The following EIPR1 variants were observed in gnomAD, a reference collection of about 807,000 sequenced individuals.
The protein encoded by EIPR1 is EARP complex and GARP complex interacting protein 1, also known as EARP and GARP complex-interacting protein 1.
Under a neutral mutation model 48.1 loss-of-function variants are expected in EIPR1, and 25 were observed. That is an observed-to-expected ratio of 0.52 (90% CI 0.38 to 0.73). EIPR1 has a LOEUF of 0.73. Ranked by LOEUF, EIPR1 falls within the 30% of genes least tolerant of loss-of-function variation. The pLI, the probability that EIPR1 is intolerant of heterozygous loss-of-function variation, is 0.00. For synonymous variants in EIPR1, 204 were observed against 201.9 expected, an observed-to-expected ratio of 1.01 and a Z score of -0.09; for missense variants, 415 against 506.2, an observed-to-expected ratio of 0.82 and a Z score of 1.73.
At chr2:3,353,114 G>A (rs1315794260) in intron 2 of EIPR1, 4 of 400,524 alleles carry the variant, frequency 1.0e-5, no homozygotes, top group Non-Finnish European at 2.0e-5. Context: ...TAGTTATGTT[G>A]TTAAGCTTTT....
chr2:3,323,889 C>T (rs775396977), intron 3 of EIPR1, among the ~76,000 whole-genome samples: 12 of 152,184 alleles, frequency 7.9e-5, no homozygotes, highest in African/African-American at 1.9e-4. Flanking sequence ...GCCCTGCTGG[C>T]GGAGGCAGGG....
chr2:3,193,125 G>A (rs184096370), intron 7 of EIPR1, among the ~76,000 whole-genome samples: 2 of 152,338 alleles, frequency 1.3e-5, no homozygotes, highest in Admixed American at 6.5e-5. Flanking sequence ...CAGGGCCCAG[G>A]TGGCAGACAG....
intron 2 of EIPR1, chr2:3,353,199 T>C (rs1400496934): frequency 2.1e-6 from 1 of 470,794 alleles, no homozygotes; most frequent in Non-Finnish European, 4.4e-6. Context: ...TAGGGTTCAG[T>C]ACTCACCAAG....
In EIPR1 at chr2:3,199,063, C is replaced by A. The variant is rs1307208907; in HGVS notation, c.517-2046G>T. 5.2e-5 allele frequency among the ~76,000 whole-genome samples: 2 copies of A among 38,242 alleles called. 1 individual carries two copies. The highest frequency in any genetic ancestry group is 1.7e-4 in the African/African-American group (2 of 11,798). The allele number at this position is 38,242 out of a possible 152,430, so 25.1% of individuals were successfully genotyped here. A position where few individuals can be genotyped will look rare whatever the true frequency, so the allele number is the denominator to read the frequency against. ...CCCCAGAGTGGCCATTTTAGAGGGC[C>A]CCCCCCCCGCCCCGGGAATGCATTC... On this transcript the variant is annotated intron_variant, in intron 5 of 8. Coordinates refer to ENST00000382125, the MANE Select transcript of EIPR1 (RefSeq NM_003310.5).
intron 4 of EIPR1, among the ~76,000 whole-genome samples, chr2:3,225,351 T>C (rs907818873): frequency 6.6e-6 from 1 of 150,942 alleles, no homozygotes; most frequent in African/African-American, 2.4e-5. Context: ...GTCCAAGCAG[T>C]CCTCCCACCT....
intron 1 of EIPR1, among the ~76,000 whole-genome samples, chr2:3,366,688 C>G (rs1264343754): frequency 6.6e-6 from 1 of 152,022 alleles, no homozygotes. Context: ...TAAAAAAAGA[C>G]CAACATAGAG....
chr2:3,246,752 G>A (rs1343831240), intron 4 of EIPR1, among the ~76,000 whole-genome samples: 3 of 146,792 alleles, frequency 2.0e-5, no homozygotes, highest in African/African-American at 2.5e-5. Flanking sequence ...AGGGAGAGAG[G>A]AAGAGAGGGA....
intron 3 of EIPR1, among the ~76,000 whole-genome samples, chr2:3,266,061 G>T (rs908246008): frequency 7.2e-5 from 11 of 152,208 alleles, no homozygotes; most frequent in Non-Finnish European, 1.5e-4. Context: ...AGGCATATTC[G>T]CGACTGCCAA....
At chr2:3,264,637 A>G (rs1418897787) in intron 3 of EIPR1, among the ~76,000 whole-genome samples, 4 of 152,204 alleles carry the variant, frequency 2.6e-5, no homozygotes, top group Non-Finnish European at 5.9e-5. Flanking sequence ...ACACAAGAAG[A>G]CAACCTCACC....
chr2:3,201,184 G>C (rs1031566312), intron 5 of EIPR1, among the ~76,000 whole-genome samples: 1 of 152,132 alleles, frequency 6.6e-6, no homozygotes, highest in African/African-American at 2.4e-5. Flanking sequence ...ATGTGCACAG[G>C]GCAGGAGGCA....
At chr2:3,327,641 A>G (rs1669738947) in intron 3 of EIPR1, among the ~76,000 whole-genome samples, 1 of 148,974 alleles carries the variant, frequency 6.7e-6, no homozygotes, top group Non-Finnish European at 1.5e-5. Context: ...GCTACAATCC[A>G]CTCATTTAGT....
chr2:3,299,660 T>A (rs1286977620), intron 3 of EIPR1, among the ~76,000 whole-genome samples: 1 of 113,222 alleles, frequency 8.8e-6, no homozygotes. Flanking sequence ...ACACACACAC[T>A]TTGAGTTATG....
At chr2:3,370,332 T>A (rs1030835365) in intron 1 of EIPR1, among the ~76,000 whole-genome samples, 3 of 152,072 alleles carry the variant, frequency 2.0e-5, no homozygotes, top group African/African-American at 7.2e-5. Flanking sequence ...GCAGAGCGCT[T>A]CTCCTCCTCC....
rs570868995 is a variant in EIPR1, at chr2:3,371,305, G to T, written c.42+6343C>A. Reference sequence around the variant, plus strand: ...CTCATGCCAAAATGTAAAGACCATCGACATTAGGAAGAAACTGCATCAACT... The same window carrying T: ...CTCATGCCAAAATGTAAAGACCATCTACATTAGGAAGAAACTGCATCAACT... On this transcript the variant is annotated intron_variant, in intron 1 of 8. Coordinates refer to ENST00000382125, the MANE Select transcript of EIPR1 (RefSeq NM_003310.5). Among the ~76,000 whole-genome samples, 3 of 152,250 alleles carry T rather than the reference G, an allele frequency of 2.0e-5. No homozygotes were observed. The East Asian group carries it at 5.8e-4, about 29-fold the overall frequency.
At chr2:3,360,533 A>T (rs975305485) in intron 1 of EIPR1, among the ~76,000 whole-genome samples, 1 of 152,232 alleles carries the variant, frequency 6.6e-6, no homozygotes, top group African/African-American at 2.4e-5. Flanking sequence ...AGAGTTCAGG[A>T]TCGTAGCAGG....
rs531584464 is a variant in EIPR1 at position 3,311,686 on chromosome 2, GTCCAGTCACAGGGCGCCAGGGGCC to G, written c.259+26307_259+26330del. ...GTGTCTGCAGAGTACAGGGCTAGGGGTCCAGTCACAGGGCGCCAGGGGCCTCCAGTCACGAGGTGTGGGCGGCAG... is the reference window on the plus strand; with the variant it reads ...GTGTCTGCAGAGTACAGGGCTAGGGGTCCAGTCACGAGGTGTGGGCGGCAG... On this transcript the variant is annotated intron_variant, in intron 3 of 8. Transcript: ENST00000382125. 1.1e-3 allele frequency among the ~76,000 whole-genome samples: 162 copies of G among 152,250 alleles called. No homozygotes were observed. The East Asian group carries it at 0.021, about 19-fold the overall frequency.
intron 4 of EIPR1, among the ~76,000 whole-genome samples, chr2:3,233,648 A>T (rs2602764): frequency 2.6e-5 from 4 of 152,186 alleles, no homozygotes; most frequent in African/African-American, 7.2e-5. Context: ...CCACCCGTCA[A>T]GTGTGTACTG....
At chr2:3,248,865 T>C (rs4241312) in intron 4 of EIPR1, among the ~76,000 whole-genome samples, 87,339 of 152,112 alleles carry the variant, frequency 0.57, 25,433 homozygotes, top group East Asian at 0.76. Flanking sequence ...ACTGGGCCCC[T>C]TTCACCTTCC....
At position 3,269,479 on chromosome 2, in the gene EIPR1, A is replaced by AATCATC; in HGVS notation, c.260-12025_260-12024insGATGAT. Among the ~76,000 whole-genome samples the AATCATC allele has an allele frequency of 1.4e-5, 2 of 146,068 alleles. 1 individual carries two copies. Among genetic ancestry groups the AATCATC allele is most frequent in the Non-Finnish European group, 3.0e-5 (2 of 67,004 alleles). On this transcript the variant is annotated intron_variant, in intron 3 of 8. Coordinates refer to ENST00000382125, the MANE Select transcript of EIPR1 (RefSeq NM_003310.5). ...ATCACCACACTCAGTCATCGCACTCAGTCATCGCACTCAATCATCGCACTC... is the reference window on the plus strand; with the variant it reads ...ATCACCACACTCAGTCATCGCACTCAATCATCGTCATCGCACTCAATCATCGCACTC...
Sources: gnomAD v4.1 joint callset for allele counts (sites outside exome capture counted in the v4.1 genomes callset) on GRCh38, gnomAD v4.1.1 for gene constraint, MANE v1.5 for transcripts, NCBI Gene and HGNC (gene_info 2026-07-23, HGNC 2026-07-21) for gene names.